The following TMEM156 variants were observed in gnomAD, a reference collection of about 807,000 sequenced individuals.
TMEM156 encodes the protein transmembrane protein 156.
Under a neutral mutation model 30.5 loss-of-function variants are expected in TMEM156, and 28 were observed. The observed-to-expected ratio is 0.92, with a 90% CI of 0.68 to 1.26. TMEM156 has a LOEUF of 1.26. Ranked by LOEUF, TMEM156 falls within the 50% of genes most tolerant of loss-of-function variation. The probability of loss-of-function intolerance (pLI) is 0.00; values close to 1 mark genes in which losing one functional copy is unlikely to be tolerated. For synonymous variants in TMEM156, 137 were observed against 119.9 expected (o/e 1.14, Z -0.93); for missense variants, 351 against 340.6 (o/e 1.03, Z -0.24).
chr4:38,981,096 A>G (rs1304753931), intron 5 of TMEM156: 1 of 212,590 alleles, frequency 4.7e-6, no homozygotes, highest in Non-Finnish European at 8.1e-6. Context: ...TTTAAGAGTC[A>G]TAAATAAGAT....
At chr4:38,998,077 A>G (rs1024633341) in intron 2 of TMEM156, among the ~76,000 whole-genome samples, 9 of 152,222 alleles carry the variant, frequency 5.9e-5, no homozygotes, top group African/African-American at 1.7e-4. Context: ...GTATATGCCA[A>G]ATAATCCTCT....
At chr4:39,017,115 T>C (rs1577577165) in intron 1 of TMEM156, among the ~76,000 whole-genome samples, 1 of 151,788 alleles carries the variant, frequency 6.6e-6, no homozygotes, top group South Asian at 2.1e-4. Context: ...ATTATTACAA[T>C]TGAAGGTGAG....
chr4:38,985,749 CTCTT>C (rs1711936391), intron 5 of TMEM156, among the ~76,000 whole-genome samples: 1 of 152,228 alleles, frequency 6.6e-6, no homozygotes, highest in South Asian at 2.1e-4. Flanking sequence ...CACATTCTCT[CTCTT>C]TCTCTTTTTA....
intron 1 of TMEM156, among the ~76,000 whole-genome samples, chr4:39,028,046 C>T (rs1270416855): frequency 6.6e-6 from 1 of 152,042 alleles, no homozygotes; most frequent in Admixed American, 6.6e-5. Context: ...GCGCCTGGCC[C>T]CAGCTAGTTT....
Position 38,998,768 on chromosome 4 carries a change from G to A in TMEM156, c.230C>T (p.Pro77Leu), listed in dbSNP as rs747086721. ...CCTGGTGAAGTTACGAAAATTGGAG[G>A]GATTTAGAAAGATTCTCATGATAAT... is the stretch of plus-strand genomic sequence containing the variant. ...TQIIMRIFLN[P>L]SNFRNFTRTC... The change falls in exon 2 of 7, where the codon CCC (proline) becomes CTC (leucine). Residue 77 changes from proline to leucine, a missense_variant. Physicochemically the swap from Pro to Leu is moderately conservative, Grantham distance 98. Coordinates refer to ENST00000381938, the MANE Select transcript of TMEM156 (RefSeq NM_024943.3). 4.3e-6 allele frequency: 7 copies of A among 1,613,712 alleles called. No individual in the cohort carries two copies. The African/African-American group carries it at 6.7e-5, about 15-fold the overall frequency.
intron 5 of TMEM156, among the ~76,000 whole-genome samples, chr4:38,985,392 C>T (rs1211437349): frequency 6.6e-6 from 1 of 152,080 alleles, no homozygotes; most frequent in East Asian, 1.9e-4. Context: ...AATATTTGAG[C>T]TCCTTAGGTG....
intron 1 of TMEM156, among the ~76,000 whole-genome samples, chr4:39,025,477 AG>A (rs1477827585): frequency 6.6e-6 from 1 of 152,066 alleles, no homozygotes; most frequent in Non-Finnish European, 1.5e-5. Flanking sequence ...AGCAGAAAAG[AG>A]GGAAAAACAT....
intron 2 of TMEM156, among the ~76,000 whole-genome samples, chr4:38,994,754 C>A (rs1712802729): frequency 6.6e-6 from 1 of 152,106 alleles, no homozygotes; most frequent in South Asian, 2.1e-4. Flanking sequence ...TCGAGACCAG[C>A]CTGGCCAACA....
chr4:38,985,879 C>T (rs1711945198), intron 5 of TMEM156, among the ~76,000 whole-genome samples: 1 of 152,180 alleles, frequency 6.6e-6, no homozygotes, highest in African/African-American at 2.4e-5. Flanking sequence ...TCCCTTATTC[C>T]ATTTCTGTTT....
At chr4:38,986,853 G>GAAAAAAAAAAAAAAAAAAAAAAAA (rs1712036216) in intron 4 of TMEM156, among the ~76,000 whole-genome samples, 1 of 84,066 alleles carries the variant, frequency 1.2e-5, no homozygotes. Context: ...AAAAAAAAAG[G>GAAAAAAAAAAAAAAAAAAAAAAAA]AAAGCGACAG....
At chr4:38,990,896 C>T (rs538985280) in intron 3 of TMEM156, among the ~76,000 whole-genome samples, 304 of 118,074 alleles carry the variant, frequency 2.6e-3, no homozygotes, top group Middle Eastern at 0.025. Flanking sequence ...TGCGGTGGTG[C>T]GATCTCGGCT....
At chr4:39,015,931 A>G (rs1577575309) in intron 1 of TMEM156, among the ~76,000 whole-genome samples, 2 of 152,146 alleles carry the variant, frequency 1.3e-5, no homozygotes, top group South Asian at 4.1e-4. Flanking sequence ...CACCATGATT[A>G]TGAGGCCTCC....
chr4:39,021,964 T>C (rs1367283511), intron 1 of TMEM156, among the ~76,000 whole-genome samples: 2 of 152,260 alleles, frequency 1.3e-5, no homozygotes, highest in African/African-American at 4.8e-5. Flanking sequence ...CTGTTTGTTG[T>C]TTCTGTTGAT....
intron 1 of TMEM156, among the ~76,000 whole-genome samples, chr4:39,009,470 T>C (rs1374671549): frequency 2.0e-5 from 3 of 152,128 alleles, no homozygotes; most frequent in African/African-American, 7.2e-5. Context: ...GCTAATTTCC[T>C]TGATGAACAT....
At chr4:38,991,126 C>G (rs917555046) in intron 3 of TMEM156, among the ~76,000 whole-genome samples, 1 of 151,500 alleles carries the variant, frequency 6.6e-6, no homozygotes, top group Non-Finnish European at 1.5e-5. Flanking sequence ...TGACCCACCT[C>G]GCCCAGTTAA....
intron 2 of TMEM156, among the ~76,000 whole-genome samples, chr4:38,996,982 C>G (rs748976800): frequency 8.5e-5 from 13 of 152,076 alleles, no homozygotes; most frequent in Non-Finnish European, 1.8e-4. Context: ...ATGTAATAGA[C>G]ATAGCTAGGA....
chr4:38,994,065 C>A, intron 2 of TMEM156, 67 bp from the exon 3 acceptor site: 3 of 1,370,504 alleles, frequency 2.2e-6, no homozygotes, highest in South Asian at 1.3e-5. Context: ...ACATACAATT[C>A]AAAACTAAAT....
chr4:38,968,089 C>T (rs1722428155), intron 6 of TMEM156, among the ~76,000 whole-genome samples: 2 of 152,110 alleles, frequency 1.3e-5, no homozygotes, highest in South Asian at 2.1e-4. Flanking sequence ...GCCATGACAC[C>T]CCCCATTATA....
rs186905960 is a variant in TMEM156, at chr4:38,985,002, G to A, written c.823+1334C>T. On this transcript the variant is annotated intron_variant, in intron 5 of 6. Transcript: ENST00000381938. The stretch of plus-strand genomic sequence containing the variant: ...CCCTCGACTATATGGGTTGACGGGG[G>A]AACTATAGACTTTTTCTCAGACAAG... Among the ~76,000 whole-genome samples, 6 of 151,560 alleles carry A rather than the reference G, an allele frequency of 4.0e-5. No individual in the cohort carries two copies. In the East Asian group the frequency reaches 9.9e-4, roughly 25 times the overall value.
Sources: allele counts gnomAD v4.1 joint callset (sites outside exome capture counted in the v4.1 genomes callset), GRCh38; gene constraint gnomAD v4.1.1; transcripts MANE v1.5; gene names NCBI Gene and HGNC (gene_info 2026-07-23, HGNC 2026-07-21).